DPH6: variants seen among roughly 807,000 people sequenced by gnomAD.
DPH6 encodes the protein diphthamine biosynthesis 6, also known as diphthine--ammonia ligase.
In DPH6, 33 loss-of-function variants were observed where a neutral mutation model predicts 38.2. That is an observed-to-expected ratio of 0.86 (90% CI 0.65 to 1.15). DPH6 has a LOEUF of 1.15. DPH6 is among the 50% of genes most tolerant of loss of function. The pLI is 0.00. For synonymous variants in DPH6, 108 were observed against 103.0 expected, an observed-to-expected ratio of 1.05 and a Z score of -0.30; for missense variants, 325 against 320.0, an observed-to-expected ratio of 1.02 and a Z score of -0.12.
chr15:35,184,972 C>T, the DPH6 span, among the ~76,000 whole-genome samples: 1 of 152,104 alleles, frequency 6.6e-6, no homozygotes, highest in African/African-American at 2.4e-5. Context: ...TGAAAACTTC[C>T]TGTGAATTCT....
At chr15:35,491,548 TACACACACACACACAC>T (rs71309445) in intron 3 of DPH6, among the ~76,000 whole-genome samples, 3 of 137,696 alleles carry the variant, frequency 2.2e-5, no homozygotes, top group African/African-American at 8.0e-5. Context: ...CCAATAGGTG[TACACACACACACACAC>T]ACACACACAC....
chr15:35,411,116 A>G (rs1048397329), intron 5 of DPH6, among the ~76,000 whole-genome samples: 1 of 151,678 alleles, frequency 6.6e-6, no homozygotes, highest in African/African-American at 2.4e-5. Context: ...ACTTATTTCA[A>G]TTGCACTGTG....
At chr15:35,336,231 G>C (rs2052370926) in intron 3 of DPH6, among the ~76,000 whole-genome samples, 1 of 151,604 alleles carries the variant, frequency 6.6e-6, no homozygotes, top group African/African-American at 2.4e-5. Flanking sequence ...TGCTAGATTG[G>C]GGAAGTTCTC....
chr15:35,460,250 T>C (rs1432026388), intron 3 of DPH6, among the ~76,000 whole-genome samples: 1 of 121,890 alleles, frequency 8.2e-6, no homozygotes, highest in Non-Finnish European at 1.7e-5. Context: ...AAAGTATAAT[T>C]AATCAGTGAA....
chr15:35,523,252 T>A (rs1186860236), intron 3 of DPH6, among the ~76,000 whole-genome samples: 1 of 150,552 alleles, frequency 6.6e-6, no homozygotes, highest in African/African-American at 2.4e-5. Context: ...TTTTTTTTTT[T>A]TTTTTTTGGT....
At chr15:35,341,459 A>T (rs1055162430) in intron 3 of DPH6, among the ~76,000 whole-genome samples, 1 of 151,828 alleles carries the variant, frequency 6.6e-6, no homozygotes, top group Non-Finnish European at 1.5e-5. Flanking sequence ...TGGCATTTTT[A>T]GTTTTCAGTG....
At chr15:35,221,514 T>C (rs1380073576) in intron 3 of DPH6, among the ~76,000 whole-genome samples, 2 of 152,206 alleles carry the variant, frequency 1.3e-5, no homozygotes, top group African/African-American at 4.8e-5. Context: ...ACTCTGTGTC[T>C]GCAGAGTTAT....
the DPH6 span, among the ~76,000 whole-genome samples, chr15:35,178,036 T>A: frequency 6.6e-6 from 1 of 152,166 alleles, no homozygotes. Context: ...TGTATGAAGA[T>A]CAGATCAGGG....
chr15:35,149,462 C>T, the DPH6 span, among the ~76,000 whole-genome samples: 4 of 152,160 alleles, frequency 2.6e-5, no homozygotes, highest in Non-Finnish European at 5.9e-5. Flanking sequence ...TGGTCTTAAA[C>T]TCCTGACCTC....
chr15:35,363,891 C>G (rs2052635034), intron 3 of DPH6, among the ~76,000 whole-genome samples: 1 of 151,942 alleles, frequency 6.6e-6, no homozygotes, highest in Non-Finnish European at 1.5e-5. Context: ...ATATACAATG[C>G]AAAAACTTTA....
intron 3 of DPH6, among the ~76,000 whole-genome samples, chr15:35,299,824 G>A (rs531343671): frequency 8.3e-4 from 127 of 152,208 alleles, no homozygotes; most frequent in African/African-American, 3.0e-3. Context: ...TTTTTTGTGC[G>A]TGCTTGGTAT....
intron 4 of DPH6, among the ~76,000 whole-genome samples, chr15:35,451,391 T>C (rs966618392): frequency 6.6e-6 from 1 of 152,232 alleles, no homozygotes; most frequent in African/African-American, 2.4e-5. Flanking sequence ...CCTCATTTTG[T>C]ACTCTAGCTG....
intron 3 of DPH6, among the ~76,000 whole-genome samples, chr15:35,248,365 A>C (rs1194520311): frequency 6.6e-6 from 1 of 152,220 alleles, no homozygotes. Flanking sequence ...TTATTTGACC[A>C]CTTTGTTTGA....
intron 3 of DPH6, among the ~76,000 whole-genome samples, chr15:35,359,502 G>A (rs892200624): frequency 1.3e-5 from 2 of 152,184 alleles, no homozygotes; most frequent in African/African-American, 4.8e-5. Flanking sequence ...TGTGGTGCCA[G>A]GCAGGAATGG....
intron 3 of DPH6, among the ~76,000 whole-genome samples, chr15:35,285,878 T>TTTTTTTTGTTTGTTTG (rs2051940173): frequency 7.4e-6 from 1 of 135,530 alleles, no homozygotes; most frequent in African/African-American, 2.7e-5. Context: ...TTGAGTTTTT[T>TTTTTTTTGTTTGTTTG]TTTTTTTTTT....
intron 5 of DPH6, among the ~76,000 whole-genome samples, chr15:35,442,153 T>G (rs1276475797): frequency 6.6e-6 from 1 of 150,668 alleles, no homozygotes; most frequent in Non-Finnish European, 1.5e-5. Context: ...AGACTTATAC[T>G]CAGAATATAT....
At chr15:35,429,844 A>G (rs1434535176) in intron 5 of DPH6, among the ~76,000 whole-genome samples, 2 of 152,156 alleles carry the variant, frequency 1.3e-5, no homozygotes, top group African/African-American at 4.8e-5. Context: ...TATTTTGTTA[A>G]CGCTGTTTTA....
At chr15:35,335,393 C>A (rs2052362846) in intron 3 of DPH6, among the ~76,000 whole-genome samples, 2 of 151,058 alleles carry the variant, frequency 1.3e-5, no homozygotes, top group Admixed American at 1.3e-4. Flanking sequence ...TTTTATTTTT[C>A]TGCTATGCTC....
chr15:35,312,053 A>G (rs1443670756), intron 3 of DPH6, among the ~76,000 whole-genome samples: 2 of 151,548 alleles, frequency 1.3e-5, no homozygotes, highest in African/African-American at 4.8e-5. Context: ...AAAACAAACA[A>G]ACTTTACTTG....
Sources: gnomAD v4.1 joint callset for allele counts (sites outside exome capture counted in the v4.1 genomes callset) on GRCh38, gnomAD v4.1.1 for gene constraint, MANE v1.5 for transcripts, NCBI Gene and HGNC (gene_info 2026-07-23, HGNC 2026-07-21) for gene names.